UBE2E2: variants seen among roughly 807,000 people sequenced by gnomAD.
UBE2E2 encodes the protein ubiquitin conjugating enzyme E2 E2.
UBE2E2 carries 6 observed loss-of-function variants against 24.7 expected under a neutral mutation model. The observed-to-expected ratio is 0.24, with a 90% CI of 0.13 to 0.48. The LOEUF (loss-of-function observed/expected upper bound fraction) is 0.48, where lower values mean the gene tolerates loss of function less well. Among genes scored for constraint, UBE2E2 ranks in the 20% least tolerant of loss-of-function variants. The pLI is 0.99. For missense variants in UBE2E2, 169 were observed against 245.0 expected (o/e 0.69, Z 2.07); for synonymous variants, 104 against 83.6 (o/e 1.24, Z -1.33).
intron 3 of UBE2E2, among the ~76,000 whole-genome samples, chr3:23,238,142 G>A (rs1357195500): frequency 6.6e-6 from 1 of 152,070 alleles, no homozygotes; most frequent in Non-Finnish European, 1.5e-5. Flanking sequence ...TGGTTCCCTT[G>A]AAATAGTTAG....
At chr3:23,515,156 CAT>C (rs1241482517) in intron 4 of UBE2E2, among the ~76,000 whole-genome samples, 1 of 141,672 alleles carries the variant, frequency 7.1e-6, no homozygotes, top group Non-Finnish European at 1.5e-5. Flanking sequence ...TGTGTGTGTA[CAT>C]ATATATAGAG....
intron 3 of UBE2E2, among the ~76,000 whole-genome samples, chr3:23,444,177 T>C (rs1313140001): frequency 1.3e-5 from 2 of 151,858 alleles, no homozygotes; most frequent in African/African-American, 4.8e-5. Context: ...GATCCATGGT[T>C]GTTGAAATAT....
At chr3:23,317,197 T>C (rs1694606300) in intron 3 of UBE2E2, among the ~76,000 whole-genome samples, 1 of 152,174 alleles carries the variant, frequency 6.6e-6, no homozygotes, top group South Asian at 2.1e-4. Context: ...ATTGTTGTCC[T>C]TGTGGCCTAG....
chr3:23,588,617 G>T (rs753820107), intron 5 of UBE2E2, among the ~76,000 whole-genome samples: 1 of 151,702 alleles, frequency 6.6e-6, no homozygotes, highest in Non-Finnish European at 1.5e-5. Flanking sequence ...CAATATTCTG[G>T]ATAGAGAGCT....
At chr3:23,462,165 T>G (rs1698816457) in intron 3 of UBE2E2, among the ~76,000 whole-genome samples, 1 of 152,228 alleles carries the variant, frequency 6.6e-6, no homozygotes, top group Non-Finnish European at 1.5e-5. Context: ...TAACTTGATG[T>G]CTGCATTGCC....
chr3:23,321,989 G>A (rs990684362), intron 3 of UBE2E2, among the ~76,000 whole-genome samples: 3 of 152,050 alleles, frequency 2.0e-5, no homozygotes, highest in Non-Finnish European at 4.4e-5. Flanking sequence ...CTCAACTGCT[G>A]TAAAGTTTTA....
At chr3:23,387,152 T>G (rs1211868206) in intron 3 of UBE2E2, among the ~76,000 whole-genome samples, 1 of 152,220 alleles carries the variant, frequency 6.6e-6, no homozygotes, top group Non-Finnish European at 1.5e-5. Flanking sequence ...TAGCAGTACT[T>G]GTTTCTGGGA....
At chr3:23,376,258 T>C (rs1196779134) in intron 3 of UBE2E2, among the ~76,000 whole-genome samples, 5 of 152,208 alleles carry the variant, frequency 3.3e-5, no homozygotes, top group Non-Finnish European at 7.3e-5. Context: ...TTGAGGAGCT[T>C]TTCTATAGCC....
At chr3:23,438,896 CAT>C (rs1266942761) in intron 3 of UBE2E2, among the ~76,000 whole-genome samples, 18 of 152,120 alleles carry the variant, frequency 1.2e-4, no homozygotes, top group African/African-American at 4.3e-4. Context: ...CTGATAACAA[CAT>C]ATTAGTATTC....
chr3:23,585,280 G>A (rs919795779), intron 5 of UBE2E2, among the ~76,000 whole-genome samples: 1 of 150,522 alleles, frequency 6.6e-6, no homozygotes, highest in African/African-American at 2.4e-5. Flanking sequence ...GTTGAGGCAG[G>A]AGGATTGCTT....
chr3:23,297,976 G>C (rs995471193), intron 3 of UBE2E2, among the ~76,000 whole-genome samples: 4 of 151,594 alleles, frequency 2.6e-5, no homozygotes, highest in Non-Finnish European at 5.9e-5. Flanking sequence ...GCAGTGGTTT[G>C]TAGTTCTCCT....
At position 23,258,171 on chromosome 3, in the gene UBE2E2, C is replaced by T. The variant is rs957209878; in HGVS notation, c.227+40859C>T. On this transcript the variant is annotated intron_variant, in intron 3 of 5. Coordinates refer to ENST00000396703, the MANE Select transcript of UBE2E2 (RefSeq NM_152653.4). ...GATGAGACCATGTTATTGAGCACAC[C>T]GAAGGTAAGATCAAGAATTTACATT... Among the ~76,000 whole-genome samples, 8 of 152,054 alleles carry T rather than the reference C, an allele frequency of 5.3e-5. No individual in the cohort carries two copies. The South Asian group carries it at 6.2e-4, about 12-fold the overall frequency.
intron 3 of UBE2E2, among the ~76,000 whole-genome samples, chr3:23,282,616 A>T (rs1176335941): frequency 6.6e-6 from 1 of 152,220 alleles, no homozygotes; most frequent in African/African-American, 2.4e-5. Context: ...TGTATTCTGC[A>T]GTTTGACATT....
At chr3:23,208,177 G>T (rs779197010) in intron 1 of UBE2E2, among the ~76,000 whole-genome samples, 2 of 152,018 alleles carry the variant, frequency 1.3e-5, no homozygotes, top group African/African-American at 4.8e-5. Flanking sequence ...CCAAAACATT[G>T]GGGATTACAG....
In UBE2E2 at chr3:23,407,249, AT is replaced by A. The variant is rs79818979; in HGVS notation, c.228-92351del. ...TCAAGCTTTACACATTTTTTTCCCC[AT>A]TTTTTTTCTGGAAAGAATAAAAAGA... On this transcript the variant is annotated intron_variant, in intron 3 of 5. Transcript: ENST00000396703. This position sits in a 1 kb window ranked among gnomAD's most constrained non-coding sequence, Gnocchi z 4.0. 1.3e-5 allele frequency among the ~76,000 whole-genome samples: 2 copies of A among 149,138 alleles called. No homozygotes were observed. The highest frequency in any genetic ancestry group is 2.0e-4 in the East Asian group (1 of 5,014).
At chr3:23,568,675 A>G (rs1575713724) in intron 5 of UBE2E2, among the ~76,000 whole-genome samples, 1 of 127,438 alleles carries the variant, frequency 7.8e-6, no homozygotes, top group Non-Finnish European at 1.6e-5. Context: ...ATACGCACAT[A>G]TATGTATACA....
intron 3 of UBE2E2, among the ~76,000 whole-genome samples, chr3:23,278,909 G>A (rs531265897): frequency 2.6e-5 from 4 of 151,966 alleles, no homozygotes; most frequent in South Asian, 4.2e-4. Context: ...CTTATTGATA[G>A]CATTAGGATA....
chr3:23,378,830 T>A (rs1260646624), intron 3 of UBE2E2, among the ~76,000 whole-genome samples: 1 of 152,220 alleles, frequency 6.6e-6, no homozygotes, highest in African/African-American at 2.4e-5. Context: ...AACTGTATAG[T>A]TGATATTTTA....
At chr3:23,418,265 G>A (rs1445392347) in intron 3 of UBE2E2, among the ~76,000 whole-genome samples, 8 of 152,170 alleles carry the variant, frequency 5.3e-5, no homozygotes, top group South Asian at 4.1e-4. Context: ...AGAGTGCACC[G>A]TTCCTCATGG....
Sources: gnomAD v4.1 joint callset for allele counts (sites outside exome capture counted in the v4.1 genomes callset) on GRCh38, gnomAD v4.1.1 for gene constraint, Gnocchi (gnomAD v3.1) non-coding constraint, MANE v1.5 for transcripts, NCBI Gene and HGNC (gene_info 2026-07-23, HGNC 2026-07-21) for gene names.